Variants in STK3 observed in about 807,000 individuals in gnomAD.
The protein encoded by STK3 is serine/threonine kinase 3.
Under a neutral mutation model 58.0 loss-of-function variants are expected in STK3, and 41 were observed. The ratio of observed to expected loss-of-function variants is 0.71; its 90% CI spans 0.55 to 0.92. STK3 has a LOEUF of 0.92. Among genes scored for constraint, STK3 ranks in the 40% least tolerant of loss-of-function variants. STK3 has a pLI of 0.00. For synonymous variants in STK3, 170 were observed against 191.0 expected, an observed-to-expected ratio of 0.89 and a Z score of 0.91; for missense variants, 479 against 602.7, an observed-to-expected ratio of 0.79 and a Z score of 2.15.
At chr8:98,842,889 C>A (rs1370135109) in intron 3 of STK3, among the ~76,000 whole-genome samples, 1 of 151,952 alleles carries the variant, frequency 6.6e-6, no homozygotes, top group Non-Finnish European at 1.5e-5. Context: ...CTAATTAGCA[C>A]GTCTGTGGTC....
chr8:98,711,785 G>A (rs561766218), intron 4 of STK3, among the ~76,000 whole-genome samples: 4 of 152,116 alleles, frequency 2.6e-5, no homozygotes, highest in East Asian at 3.9e-4. Flanking sequence ...TACAGAGAAC[G>A]CCACAAAGAT....
chr8:98,849,664 G>A (rs1330937630), intron 3 of STK3, among the ~76,000 whole-genome samples: 1 of 152,126 alleles, frequency 6.6e-6, no homozygotes, highest in Non-Finnish European at 1.5e-5. Flanking sequence ...TTAATTCTCA[G>A]GTGAGCTTGC....
At chr8:98,450,170 A>G (rs926916583), downstream of STK3, among the ~76,000 whole-genome samples, 3 of 152,192 alleles carry the variant, frequency 2.0e-5, no homozygotes, top group Admixed American at 2.0e-4. Context: ...TCCTCAGTGC[A>G]AATCACCACC....
chr8:98,723,222 A>C (rs569770397), intron 4 of STK3, among the ~76,000 whole-genome samples: 2 of 152,288 alleles, frequency 1.3e-5, no homozygotes, highest in Non-Finnish European at 2.9e-5. Context: ...AATACTCAGC[A>C]ATCAGGGATA....
intron 6 of STK3, among the ~76,000 whole-genome samples, chr8:98,671,605 G>A (rs1004874161): frequency 6.6e-6 from 1 of 151,382 alleles, no homozygotes; most frequent in South Asian, 2.1e-4. Flanking sequence ...TTTGGGACAG[G>A]GTCTCTCGCT....
chr8:98,931,446 C>T (rs1040571534), intron 1 of STK3, among the ~76,000 whole-genome samples: 4 of 152,134 alleles, frequency 2.6e-5, no homozygotes, highest in East Asian at 1.9e-4. Context: ...CCTACCCCGA[C>T]CCGGCCTGCG....
intron 3 of STK3, chr8:98,430,662 G>A (rs920664337): frequency 1.4e-4 from 23 of 167,096 alleles, no homozygotes; most frequent in Admixed American, 6.5e-4. Context: ...AGACGTGCAC[G>A]ATGGTGGTGT....
At chr8:98,664,429 T>C (rs1822187573) in intron 6 of STK3, among the ~76,000 whole-genome samples, 1 of 152,222 alleles carries the variant, frequency 6.6e-6, no homozygotes. Flanking sequence ...TTAAAGATTA[T>C]AATTTATGTA....
chr8:98,875,384 A>G (rs1309357996), intron 3 of STK3: 1 of 152,214 alleles, frequency 6.6e-6, no homozygotes. Context: ...TGTCACAGGG[A>G]AGTCAGGCTG....
chr8:98,695,139 T>A (rs913769400), intron 6 of STK3, among the ~76,000 whole-genome samples: 1 of 152,240 alleles, frequency 6.6e-6, no homozygotes, highest in African/African-American at 2.4e-5. Context: ...TTTGGTTGCA[T>A]AAATGTCTTC....
At chr8:98,427,948 C>T (rs1376063646) in intron 3 of STK3, 3 of 1,467,700 alleles carry the variant, frequency 2.0e-6, no homozygotes, top group South Asian at 1.4e-5. Flanking sequence ...GTGTAGCGCC[C>T]CCGCGCGGCG....
chr8:98,569,242 T>C (rs1334733056), intron 8 of STK3, among the ~76,000 whole-genome samples: 1 of 151,866 alleles, frequency 6.6e-6, no homozygotes. Context: ...AGATATGCAA[T>C]GACTGAAAAA....
chr8:98,459,137 G>A (rs1586609986), intron 10 of STK3, among the ~76,000 whole-genome samples: 1 of 152,196 alleles, frequency 6.6e-6, no homozygotes, highest in Admixed American at 6.5e-5. Context: ...TAGTGATATG[G>A]ACAATGAAGC....
At chr8:98,918,848 T>C (rs1839443564) in intron 1 of STK3, among the ~76,000 whole-genome samples, 1 of 151,946 alleles carries the variant, frequency 6.6e-6, no homozygotes, top group East Asian at 1.9e-4. Context: ...AATGTTCAAA[T>C]TCATGCCTCA....
chr8:98,905,189 G>GT (rs1838843405), intron 1 of STK3: 2 of 1,047,330 alleles, frequency 1.9e-6, no homozygotes, highest in Middle Eastern at 2.1e-4. Context: ...AGCCACACTG[G>GT]TCTCCCATTC....
intron 1 of STK3, among the ~76,000 whole-genome samples, chr8:98,791,165 T>C (rs530503389): frequency 1.3e-5 from 2 of 152,270 alleles, no homozygotes; most frequent in African/African-American, 4.8e-5. Flanking sequence ...ATCTCTTCTA[T>C]ACACCAACAG....
At chr8:98,804,722 G>A (rs970248496) in intron 1 of STK3, among the ~76,000 whole-genome samples, 2 of 152,166 alleles carry the variant, frequency 1.3e-5, no homozygotes, top group Non-Finnish European at 2.9e-5. Flanking sequence ...TACAATGTAT[G>A]CACTCAAGAA....
At chr8:98,570,360 T>C (rs1175695095) in intron 8 of STK3, among the ~76,000 whole-genome samples, 1 of 151,740 alleles carries the variant, frequency 6.6e-6, no homozygotes, top group Admixed American at 6.6e-5. Context: ...AGGCTGGTCT[T>C]GAACACCTGG....
At chr8:98,893,341 A>G (rs1266846716) in intron 1 of STK3, among the ~76,000 whole-genome samples, 2 of 151,244 alleles carry the variant, frequency 1.3e-5, no homozygotes, top group African/African-American at 4.9e-5. Flanking sequence ...GTGAGGCAAG[A>G]TTGCACCACT....
Sources: gnomAD v4.1 joint callset for allele counts (sites outside exome capture counted in the v4.1 genomes callset) on GRCh38, gnomAD v4.1.1 for gene constraint, MANE v1.5 for transcripts, NCBI Gene and HGNC (gene_info 2026-07-23, HGNC 2026-07-21) for gene names.